The following ZNF618 variants were observed in gnomAD, a reference collection of about 807,000 sequenced individuals.
The protein encoded by ZNF618 is zinc finger protein 618, also known as neural precursor cell expressed, developmentally down-regulated 10.
ZNF618 carries 34 observed loss-of-function variants against 103.0 expected under a neutral mutation model. The ratio of observed to expected loss-of-function variants is 0.33; its 90% CI spans 0.25 to 0.44. The LOEUF (loss-of-function observed/expected upper bound fraction) is 0.44. Ranked by LOEUF, ZNF618 falls within the 20% of genes least tolerant of loss-of-function variation. The probability of loss-of-function intolerance (pLI) is 1.00; values close to 1 mark genes in which losing one functional copy is unlikely to be tolerated. For missense variants in ZNF618, 1,059 were observed against 1,295.4 expected, an observed-to-expected ratio of 0.82 and a Z score of 2.80; for synonymous variants, 551 against 542.2, an observed-to-expected ratio of 1.02 and a Z score of -0.23.
intron 1 of ZNF618, among the ~76,000 whole-genome samples, chr9:113,956,266 G>A (rs1836287280): frequency 6.7e-6 from 1 of 149,356 alleles, no homozygotes; most frequent in Non-Finnish European, 1.5e-5. Flanking sequence ...GATTAGAGGG[G>A]GCAAGCATGC....
intron 1 of ZNF618, among the ~76,000 whole-genome samples, chr9:113,921,701 G>A (rs1349179007): frequency 6.6e-6 from 1 of 152,196 alleles, no homozygotes; most frequent in Non-Finnish European, 1.5e-5. Context: ...TCTTCTCAGG[G>A]GAAATGGGAC....
In ZNF618 at chr9:113,977,362, T is replaced by C. The variant is rs554081680; in HGVS notation, c.77+8202T>C. Among the ~76,000 whole-genome samples the C allele has an allele frequency of 2.6e-4, 40 of 152,340 alleles. 1 individual carries two copies. The South Asian group carries it at 8.3e-3, about 32-fold the overall frequency. On this transcript the variant is annotated intron_variant, in intron 2 of 14. Transcript: ENST00000374126. ...AGAAAAAGGAGTAGTTGCTAAGTCA[T>C]AGCCTTGGCATGAAGTAATGGTGAA...
chr9:113,965,633 G>T (rs1328999283), intron 1 of ZNF618, among the ~76,000 whole-genome samples: 2 of 152,136 alleles, frequency 1.3e-5, no homozygotes, highest in African/African-American at 4.8e-5. Flanking sequence ...TGGAGTGGGG[G>T]AGATGACCTG....
intron 1 of ZNF618, among the ~76,000 whole-genome samples, chr9:113,966,977 G>A (rs932712964): frequency 5.9e-5 from 9 of 152,198 alleles, no homozygotes; most frequent in Admixed American, 5.9e-4. Flanking sequence ...GAGAAACAAA[G>A]GTGGAGATTA....
chr9:113,988,576 C>A lies in ZNF618; in HGVS notation c.333C>A (p.Thr111=), dbSNP rs1319572736. 1.9e-6 allele frequency: 3 copies of A among 1,605,442 alleles called. No homozygotes were observed. Among genetic ancestry groups the A allele is most frequent in the Non-Finnish European group, 1.7e-6 (2 of 1,177,928 alleles). ...TCGGCGGCGTCCGCAACCAGCAGAC[C>A]CTTGGTGAGTGCCCAGCGTCTGTGG... ...VVIGGVRNQQ[T]LDGKAPEGSP... is the part of the protein sequence containing the mutation. The change falls in exon 3 of 15, where the codon ACC becomes ACA. Residue 111 remains threonine, a synonymous_variant. Coordinates refer to ENST00000374126, the MANE Select transcript of ZNF618 (RefSeq NM_001318042.2).
chr9:113,905,136 C>T (rs184769385), intron 1 of ZNF618, among the ~76,000 whole-genome samples: 1 of 152,208 alleles, frequency 6.6e-6, no homozygotes, highest in East Asian at 1.9e-4. Flanking sequence ...GTGGCATAGT[C>T]TTGGCTTACC....
At chr9:114,046,898 A>G (rs557010152) in intron 13 of ZNF618, among the ~76,000 whole-genome samples, 4 of 152,310 alleles carry the variant, frequency 2.6e-5, no homozygotes, top group African/African-American at 7.2e-5. Context: ...TGGTCATGGT[A>G]TGGAATCCTT....
At chr9:114,003,767 T>G (rs1841475814) in intron 6 of ZNF618, among the ~76,000 whole-genome samples, 1 of 152,184 alleles carries the variant, frequency 6.6e-6, no homozygotes, top group East Asian at 1.9e-4. Context: ...TTTGTGGAAG[T>G]TGAACAAGCT....
intron 10 of ZNF618, among the ~76,000 whole-genome samples, chr9:114,025,950 G>A (rs899428451): frequency 6.6e-6 from 1 of 152,216 alleles, no homozygotes; most frequent in Non-Finnish European, 1.5e-5. Flanking sequence ...GGCTGGCAGA[G>A]TTCCTGCTCT....
At chr9:114,012,985 C>G (rs1397830215) in intron 9 of ZNF618, among the ~76,000 whole-genome samples, 1 of 133,770 alleles carries the variant, frequency 7.5e-6, no homozygotes, top group Admixed American at 7.4e-5. Context: ...CTTTTTAAAA[C>G]TATAGGAAAA....
intron 6 of ZNF618, among the ~76,000 whole-genome samples, chr9:114,005,944 A>G (rs1443062298): frequency 6.6e-6 from 1 of 152,198 alleles, no homozygotes; most frequent in Admixed American, 6.5e-5. Context: ...TCTTTCTTGG[A>G]TGATTCTGGT....
intron 2 of ZNF618, among the ~76,000 whole-genome samples, chr9:113,971,298 C>T (rs1837937222): frequency 6.6e-6 from 1 of 152,060 alleles, no homozygotes; most frequent in South Asian, 2.1e-4. Flanking sequence ...AGGAAAGGCC[C>T]TGCTTAGGGG....
At chr9:114,033,416 A>ATT (rs1564327149) in intron 12 of ZNF618, among the ~76,000 whole-genome samples, 3 of 149,664 alleles carry the variant, frequency 2.0e-5, no homozygotes, top group African/African-American at 5.1e-5. Context: ...AGAGAGAGAG[A>ATT]GAGAGCTGTG....
chr9:114,002,597 C>G (rs374481787), intron 5 of ZNF618, 27 bp from the exon 6 acceptor site: 12 of 1,591,866 alleles, frequency 7.5e-6, no homozygotes, highest in Non-Finnish European at 1.0e-5. Flanking sequence ...TAGCCCCACC[C>G]CCATCCCTCT....
intron 6 of ZNF618, among the ~76,000 whole-genome samples, chr9:114,005,436 G>T (rs775514447): frequency 2.6e-5 from 4 of 152,226 alleles, no homozygotes; most frequent in Non-Finnish European, 5.9e-5. Context: ...TCAGAGCAGG[G>T]TGGGGGTATT....
intron 3 of ZNF618, among the ~76,000 whole-genome samples, 198 bp from the exon 4 acceptor site, chr9:113,998,061 T>C (rs1217713367): frequency 6.6e-6 from 1 of 152,262 alleles, no homozygotes; most frequent in Non-Finnish European, 1.5e-5. Flanking sequence ...TGTTGACCCA[T>C]GGCTGCTGTA....
intron 1 of ZNF618, among the ~76,000 whole-genome samples, chr9:113,930,858 T>C (rs1428854046): frequency 6.6e-6 from 1 of 152,204 alleles, no homozygotes; most frequent in Non-Finnish European, 1.5e-5. Flanking sequence ...GGATCAGTTT[T>C]TCACATAAAA....
At chr9:114,031,717 C>T (rs995996952) in intron 11 of ZNF618, among the ~76,000 whole-genome samples, 2 of 152,136 alleles carry the variant, frequency 1.3e-5, no homozygotes, top group Admixed American at 1.3e-4. Context: ...GCAGACTTTG[C>T]GGAGCCTTTG....
At chr9:113,945,875 G>A (rs543283939) in intron 1 of ZNF618, among the ~76,000 whole-genome samples, 1 of 152,338 alleles carries the variant, frequency 6.6e-6, no homozygotes, top group Admixed American at 6.5e-5. Context: ...ATTTGGGGAT[G>A]AAAGGCGTGA....
Sources: gnomAD v4.1 joint callset for allele counts (sites outside exome capture counted in the v4.1 genomes callset) on GRCh38, gnomAD v4.1.1 for gene constraint, MANE v1.5 for transcripts, NCBI Gene and HGNC (gene_info 2026-07-23, HGNC 2026-07-21) for gene names.